The following CBX6 variants were observed in gnomAD, a reference collection of about 807,000 sequenced individuals.
CBX6 encodes chromobox 6, also known as chromobox protein homolog 6.
CBX6 carries 7 observed loss-of-function variants against 28.4 expected under a neutral mutation model. That is an observed-to-expected ratio of 0.25 (90% CI 0.14 to 0.46). The LOEUF is 0.46. Among genes scored for constraint, CBX6 ranks in the 20% least tolerant of loss-of-function variants. The pLI is 0.99. For synonymous variants in CBX6, 297 were observed against 273.4 expected (o/e 1.09, Z -0.85); for missense variants, 512 against 606.1 (o/e 0.84, Z 1.63).
chr22:38,871,522 C>G lies in CBX6; in HGVS notation c.204G>C (p.Gly68=). The G allele has an allele frequency of 6.2e-7, 1 of 1,613,662 alleles. No individual in the cohort carries two copies. The highest frequency in any genetic ancestry group is 8.5e-7 in the Non-Finnish European group (1 of 1,179,820). ...EQKERERELY[G]PKKRGPKPKT... ...TGGGTTTGGGTCCCCTCTTCTTGGG[C>G]CCATACAGCTCACGCTCCCTCTCCC... Residue 68 remains glycine, a synonymous_variant, in exon 4 of 5, where the codon GGG becomes GGC. Coordinates refer to ENST00000407418, the MANE Select transcript of CBX6 (RefSeq NM_014292.5). This position sits in a 1 kb window ranked among gnomAD's most constrained non-coding sequence, Gnocchi z 5.6.
At chr22:38,867,606 A>T (rs1423059787) in intron 4 of CBX6, among the ~76,000 whole-genome samples, 1 of 152,210 alleles carries the variant, frequency 6.6e-6, no homozygotes, top group Non-Finnish European at 1.5e-5. Flanking sequence ...TCTGTGGCAG[A>T]TCCAGCCCAA....
In CBX6 at chr22:38,862,467, C is replaced by T. The variant is rs1026125683; in HGVS notation, c.*3742G>A. 5.9e-5 allele frequency: 8 copies of T among 136,034 alleles called. No individual in the cohort carries two copies. The highest frequency in any genetic ancestry group is 4.5e-3 in the Middle Eastern group (1 of 222). 8.4% of individuals were successfully genotyped at this position (136,034 alleles called of 1,614,324 possible). Reference sequence around the variant, plus strand: ...CGCCTTGGGCAAGTGCATGGGAGCCCGGAAGTGGAACTGACCAGGTGGGGC... The same window carrying T: ...CGCCTTGGGCAAGTGCATGGGAGCCTGGAAGTGGAACTGACCAGGTGGGGC... On this transcript the variant is annotated 3_prime_UTR_variant, in exon 5 of 5. Coordinates refer to ENST00000407418, the MANE Select transcript of CBX6 (RefSeq NM_014292.5).
In CBX6 at chr22:38,866,788, C is replaced by A; in HGVS notation, c.660G>T (p.Leu220=). The part of the protein sequence containing the change: ...GKSKKFSESV[L]RTQIRHMKFG... The stretch of plus-strand genomic sequence containing the variant: ...ACTTCATGTGGCGGATCTGTGTACG[C>A]AGGACGCTCTCGCTGAACTTCTTGC... The change falls in exon 5 of 5, where the codon CTG becomes CTT. Residue 220 remains leucine, a synonymous_variant. Transcript: ENST00000407418. This position sits in a 1 kb window ranked among gnomAD's most constrained non-coding sequence, Gnocchi z 7.5. 11 of 1,612,610 alleles carry A rather than the reference C, an allele frequency of 6.8e-6. No homozygotes were observed. Among genetic ancestry groups the A allele is most frequent in the Non-Finnish European group, 9.3e-6 (11 of 1,179,452 alleles).
Position 38,871,342 on chromosome 22 carries a change from C to A in CBX6, c.246+138G>T, listed in dbSNP as rs760902664. Reference sequence around the variant, plus strand: ...GGGCTTCTGGGGGGGCTCACAACCACCCCCTGCCCAGCTGGGGCCCCTCTG... The same window carrying A: ...GGGCTTCTGGGGGGGCTCACAACCAACCCCTGCCCAGCTGGGGCCCCTCTG... On this transcript the variant is annotated intron_variant, in intron 4 of 4. Coordinates refer to ENST00000407418, the MANE Select transcript of CBX6 (RefSeq NM_014292.5). This position sits in a 1 kb window ranked among gnomAD's most constrained non-coding sequence, Gnocchi z 5.6. 5 of 765,866 alleles carry A rather than the reference C, an allele frequency of 6.5e-6. No homozygotes were observed. Among genetic ancestry groups the A allele is most frequent in the Admixed American group, 2.6e-5 (1 of 38,720 alleles). The allele number at this position is 765,866 out of a possible 1,614,324, so 47.4% of individuals were successfully genotyped here. A position where few individuals can be genotyped will look rare whatever the true frequency, so the allele number is the denominator to read the frequency against.
At position 38,866,553 on chromosome 22, in the gene CBX6, T is replaced by A. The variant is rs1472470636; in HGVS notation, c.895A>T (p.Thr299Ser). Residue 299 changes from threonine to serine, a missense_variant, in exon 5 of 5, where the codon ACC (threonine) becomes TCC (serine). Coordinates refer to ENST00000407418, the MANE Select transcript of CBX6 (RefSeq NM_014292.5). This position sits in a 1 kb window ranked among gnomAD's most constrained non-coding sequence, Gnocchi z 7.5. ...DDTPPKLLPE[T>S]VSPSAPSWRE... ...CAGCTGGGGGCGGATGGGCTCACGG[T>A]CTCGGGGAGGAGCTTGGGGGGCGTG... The A allele has an allele frequency of 6.3e-7, 1 of 1,578,198 alleles. No individual in the cohort carries two copies. The highest frequency in any genetic ancestry group is 1.8e-5 in the Admixed American group (1 of 56,578).
rs1029575023 is a variant in CBX6 at position 38,866,454 on chromosome 22, C to T, written c.994G>A (p.Val332Ile). 8 of 1,607,118 alleles carry T rather than the reference C, an allele frequency of 5.0e-6. No individual in the cohort carries two copies. The highest frequency in any genetic ancestry group is 2.7e-5 in the African/African-American group (2 of 74,878). ...AATSKRAPPE[V>I]TAAAGPAPPT... Reference sequence around the variant, plus strand: ...GGTGCCGGGCCGGCAGCAGCTGTGACCTCAGGCGGTGCCCGCTTGCTGGTG... The same window carrying T: ...GGTGCCGGGCCGGCAGCAGCTGTGATCTCAGGCGGTGCCCGCTTGCTGGTG... The change falls in exon 5 of 5, where the codon GTC becomes ATC. Residue 332 changes from valine to isoleucine, a missense_variant. By Grantham distance (29) the Val-to-Ile change is conservative (BLOSUM62 3). Transcript: ENST00000407418. The surrounding 1 kb of genome is among the most constrained non-coding windows in gnomAD (Gnocchi z 7.5).
chr22:38,864,486 A>G lies in CBX6; in HGVS notation c.*1723T>C, dbSNP rs1255376353. On this transcript the variant is annotated 3_prime_UTR_variant, in exon 5 of 5. Coordinates refer to ENST00000407418, the MANE Select transcript of CBX6 (RefSeq NM_014292.5). ...CAGCCCTTATTTGGGCGAAAAGCCAATTGGCACTTGGACGGCCACAAAGCC... is the reference window on the plus strand; with the variant it reads ...CAGCCCTTATTTGGGCGAAAAGCCAGTTGGCACTTGGACGGCCACAAAGCC... 1.3e-5 allele frequency: 2 copies of G among 152,628 alleles called. No homozygotes were observed. Among genetic ancestry groups the G allele is most frequent in the Admixed American group, 6.5e-5 (1 of 15,272 alleles). 9.5% of individuals were successfully genotyped at this position (152,628 alleles called of 1,614,324 possible).
In CBX6 at chr22:38,865,861, A is replaced by C; in HGVS notation, c.*348T>G. 3 of 262,824 alleles carry C rather than the reference A, an allele frequency of 1.1e-5. No homozygotes were observed. The highest frequency in any genetic ancestry group is 8.3e-5 in the South Asian group (1 of 12,118). 16.3% of individuals were successfully genotyped at this position (262,824 alleles called of 1,614,324 possible). A position where few individuals can be genotyped will look rare whatever the true frequency, so the allele number is the denominator to read the frequency against. Reference sequence around the variant, plus strand: ...CTAAGGGCCCCACAGCTGCCAGGTTAGCACCGAGAAATCAGACGCCGCACA... The same window carrying C: ...CTAAGGGCCCCACAGCTGCCAGGTTCGCACCGAGAAATCAGACGCCGCACA... On this transcript the variant is annotated 3_prime_UTR_variant, in exon 5 of 5. Coordinates refer to ENST00000407418, the MANE Select transcript of CBX6 (RefSeq NM_014292.5).
Position 38,867,115 on chromosome 22 carries a change from G to C in CBX6, c.333C>G (p.His111Gln), listed in dbSNP as rs747872267. The C allele has an allele frequency of 3.1e-5, 49 of 1,589,226 alleles. No homozygotes were observed. The highest frequency in any genetic ancestry group is 3.8e-5 in the Non-Finnish European group (45 of 1,170,478). ...PSASASSPKL[H>Q]SSAAVHRLKK... The stretch of plus-strand genomic sequence containing the variant: ...TGAGCCGGTGCACGGCTGCGCTGGA[G>C]TGCAGCTTGGGCGAGGAGGCACTGG... Residue 111 changes from histidine to glutamine, a missense_variant, in exon 5 of 5, where the codon CAC becomes CAG. Physicochemically the swap from His to Gln is conservative, Grantham distance 24. This residue lies in a region of CBX6 where 123 missense variants were observed against 138.1 expected (regional missense o/e 0.89). Coordinates refer to ENST00000407418, the MANE Select transcript of CBX6 (RefSeq NM_014292.5).
At chr22:38,867,406 G>C (rs985388187) in intron 4 of CBX6, among the ~76,000 whole-genome samples, 2 of 152,202 alleles carry the variant, frequency 1.3e-5, no homozygotes, top group Non-Finnish European at 2.9e-5. Flanking sequence ...TCCAAGGTCA[G>C]AGTCAGGACA....
chr22:38,867,187 G>T lies in CBX6; in HGVS notation c.261C>A (p.Ala87=). Residue 87 remains alanine, a synonymous_variant, in exon 5 of 5, where the codon GCC becomes GCA. Coordinates refer to ENST00000407418, the MANE Select transcript of CBX6 (RefSeq NM_014292.5). The part of the protein sequence containing the change: ...KTFLLKARAQ[A]EALRISDVHF... ...GCACATCACTGATGCGGAGGGCCTC[G>T]GCCTGGGCCCGCGCCTGCGGGCAGA... The T allele has an allele frequency of 6.5e-7, 1 of 1,539,872 alleles. No homozygotes were observed. Among genetic ancestry groups the T allele is most frequent in the Non-Finnish European group, 8.7e-7 (1 of 1,148,512 alleles).
At position 38,861,760 on chromosome 22, in the gene CBX6, C is replaced by T. The variant is rs2146209201; in HGVS notation, c.*4449G>A. ...ACCCCACTCTTTTCCCATCTTTGAC[C>T]ACTGGAGGCAAAGTTTAGCCAGCTG... On this transcript the variant is annotated 3_prime_UTR_variant, in exon 5 of 5. Coordinates refer to ENST00000407418, the MANE Select transcript of CBX6 (RefSeq NM_014292.5). 1 of 152,290 alleles carries T rather than the reference C, an allele frequency of 6.6e-6. No individual in the cohort carries two copies. Among genetic ancestry groups the T allele is most frequent in the Non-Finnish European group, 1.5e-5 (1 of 68,018 alleles). 9.4% of individuals were successfully genotyped at this position (152,290 alleles called of 1,614,324 possible).
rs1472371899 is a variant in CBX6, at chr22:38,864,222, TC to T, written c.*1986del. 2 of 146,832 alleles carry T rather than the reference TC, an allele frequency of 1.4e-5. No individual in the cohort carries two copies. The highest frequency in any genetic ancestry group is 3.0e-5 in the Non-Finnish European group (2 of 65,920). The allele number at this position is 146,832 out of a possible 1,614,324, so 9.1% of individuals were successfully genotyped here. A position where few individuals can be genotyped will look rare whatever the true frequency, so the allele number is the denominator to read the frequency against. ...GAATCCCACAATATTTTTTTCTATT[TC>T]TTTTTTTTTTCCTCTTTTTTTGTTT... On this transcript the variant is annotated 3_prime_UTR_variant, in exon 5 of 5. Transcript: ENST00000407418.
chr22:38,868,100 G>C (rs1417176514), intron 4 of CBX6, among the ~76,000 whole-genome samples: 1 of 152,230 alleles, frequency 6.6e-6, no homozygotes, highest in African/African-American at 2.4e-5. Flanking sequence ...AGAGACCCCA[G>C]GTTCCGGTCC....
rs1182500452 is a variant in CBX6, at chr22:38,870,294, G to C, written c.246+1186C>G. 6.6e-6 allele frequency: 1 copy of C among 152,220 alleles called. No homozygotes were observed. The highest frequency in any genetic ancestry group is 1.5e-5 in the Non-Finnish European group (1 of 68,048). 9.4% of individuals were successfully genotyped at this position (152,220 alleles called of 1,614,324 possible). On this transcript the variant is annotated intron_variant, in intron 4 of 4. Coordinates refer to ENST00000407418, the MANE Select transcript of CBX6 (RefSeq NM_014292.5). This position sits in a 1 kb window ranked among gnomAD's most constrained non-coding sequence, Gnocchi z 4.3. The stretch of plus-strand genomic sequence containing the variant: ...AAGAATTAAAGGAGATAATCCATGT[G>C]GGGGCTCAGCCCTGTATTAGGCCCA...
Position 38,866,359 on chromosome 22 carries a change from T to C in CBX6, c.1089A>G (p.Ser363=). ...PEAGDWRPEM[S]PCSNVVVTDV... ...CGGTGACGACCACATTGGAGCAGGG[T>C]GACATCTCGGGGCGCCAGTCCCCAG... Residue 363 remains serine (S), a synonymous_variant, in exon 5 of 5, where the codon TCA becomes TCG. Coordinates refer to ENST00000407418, the MANE Select transcript of CBX6 (RefSeq NM_014292.5). This position sits in a 1 kb window ranked among gnomAD's most constrained non-coding sequence, Gnocchi z 7.5. 1.2e-6 allele frequency: 2 copies of C among 1,613,656 alleles called. No individual in the cohort carries two copies. The highest frequency in any genetic ancestry group is 2.2e-5 in the South Asian group (2 of 91,072).
Position 38,862,315 on chromosome 22 carries a change from G to T in CBX6, c.*3894C>A, listed in dbSNP as rs562202673. On this transcript the variant is annotated 3_prime_UTR_variant, in exon 5 of 5. Coordinates refer to ENST00000407418, the MANE Select transcript of CBX6 (RefSeq NM_014292.5). Reference sequence around the variant, plus strand: ...TGAGTCGGGGAGACCCTCTCCTGGAGTTCTAGCCCCTAATTCTGGGCTTTC... The same window carrying T: ...TGAGTCGGGGAGACCCTCTCCTGGATTTCTAGCCCCTAATTCTGGGCTTTC... 2 of 152,306 alleles carry T rather than the reference G, an allele frequency of 1.3e-5. No individual in the cohort carries two copies. The highest frequency in any genetic ancestry group is 3.9e-4 in the East Asian group (2 of 5,176). 9.4% of individuals were successfully genotyped at this position (152,306 alleles called of 1,614,324 possible). A position where few individuals can be genotyped will look rare whatever the true frequency, so the allele number is the denominator to read the frequency against.
In CBX6 at chr22:38,865,790, A is replaced by C; in HGVS notation, c.*419T>G. 5.7e-6 allele frequency: 1 copy of C among 176,386 alleles called. No individual in the cohort carries two copies. The highest frequency in any genetic ancestry group is 1.5e-4 in the East Asian group (1 of 6,454). 10.9% of individuals were successfully genotyped at this position (176,386 alleles called of 1,614,324 possible). ...CAGGAAGCCCTCCTCCTGCCTAGGC[A>C]TCTGCAGGAAGGAAAGGGACTGTGT... On this transcript the variant is annotated 3_prime_UTR_variant, in exon 5 of 5. Coordinates refer to ENST00000407418, the MANE Select transcript of CBX6 (RefSeq NM_014292.5).
chr22:38,871,844 A>G lies in CBX6; in HGVS notation c.113+58T>C. 6.5e-7 allele frequency: 1 copy of G among 1,548,404 alleles called. No homozygotes were observed. The highest frequency in any genetic ancestry group is 2.3e-5 in the East Asian group (1 of 43,320). ...GAGCAAGAGCGCGCACCCCCACCCC[A>G]GGCCCCGGTGCCCGCTGCCTCCCCT... On this transcript the variant is annotated intron_variant, in intron 2 of 4. Transcript: ENST00000407418. This position sits in a 1 kb window ranked among gnomAD's most constrained non-coding sequence, Gnocchi z 5.6.
Sources: allele counts gnomAD v4.1 joint callset (sites outside exome capture counted in the v4.1 genomes callset), GRCh38; gene constraint gnomAD v4.1.1; regional missense constraint gnomAD v4.1.1; non-coding constraint Gnocchi (gnomAD v3.1); transcripts MANE v1.5; gene names NCBI Gene and HGNC (gene_info 2026-07-23, HGNC 2026-07-21).